The following RIC8B variants were observed in gnomAD, a reference collection of about 807,000 sequenced individuals.
The protein encoded by RIC8B is chaperone Ric-8B.
In RIC8B, 16 loss-of-function variants were observed where a neutral mutation model predicts 57.5. The observed-to-expected ratio is 0.28, with a 90% CI of 0.19 to 0.42. The LOEUF (loss-of-function observed/expected upper bound fraction) is 0.42. RIC8B is among the 10% of genes least tolerant of loss of function. The pLI is 1.00. For synonymous variants in RIC8B, 216 were observed against 250.8 expected (o/e 0.86, Z 1.31); for missense variants, 481 against 677.0 (o/e 0.71, Z 3.21).
chr12:106,881,323 G>A (rs374185629), intron 9 of RIC8B, among the ~76,000 whole-genome samples: 5 of 151,258 alleles, frequency 3.3e-5, no homozygotes, highest in African/African-American at 9.7e-5. Context: ...CTTTTATACC[G>A]CATCTCTTTT....
At chr12:106,794,698 G>A (rs2044400224) in intron 2 of RIC8B, among the ~76,000 whole-genome samples, 1 of 152,096 alleles carries the variant, frequency 6.6e-6, no homozygotes, top group East Asian at 1.9e-4. Flanking sequence ...CTGCAAGGGA[G>A]ATAAAGACAT....
At chr12:106,792,242 C>CA (rs1294487240) in intron 2 of RIC8B, among the ~76,000 whole-genome samples, 2 of 151,972 alleles carry the variant, frequency 1.3e-5, no homozygotes, top group East Asian at 1.9e-4. Context: ...CACGGTAGGT[C>CA]AAAAAAACAA....
At chr12:106,875,390 T>C (rs1216324801) in intron 9 of RIC8B, among the ~76,000 whole-genome samples, 1 of 152,114 alleles carries the variant, frequency 6.6e-6, no homozygotes, top group East Asian at 1.9e-4. Flanking sequence ...GCAGGAGATC[T>C]GAATGGGAAT....
intron 4 of RIC8B, among the ~76,000 whole-genome samples, chr12:106,832,529 T>G (rs2046398422): frequency 6.7e-6 from 1 of 149,388 alleles, no homozygotes. Flanking sequence ...ATGGGGCCAC[T>G]GCACTCCAGC....
intron 4 of RIC8B, among the ~76,000 whole-genome samples, chr12:106,841,727 T>G (rs1445411240): frequency 6.6e-6 from 1 of 152,190 alleles, no homozygotes; most frequent in East Asian, 1.9e-4. Flanking sequence ...AAGAGCCAGT[T>G]AGCCCAGAAC....
At chr12:106,804,273 G>A (rs2044894564) in intron 2 of RIC8B, among the ~76,000 whole-genome samples, 1 of 148,318 alleles carries the variant, frequency 6.7e-6, no homozygotes, top group African/African-American at 2.5e-5. Flanking sequence ...GGAGTGCAAT[G>A]GCGTGATCTC....
chr12:106,785,803 CTCTCTCTCTCTGTGTG>C (rs2043983731), intron 2 of RIC8B, among the ~76,000 whole-genome samples: 3 of 126,998 alleles, frequency 2.4e-5, no homozygotes, highest in African/African-American at 9.0e-5. Flanking sequence ...CTCTCTCTCT[CTCTCTCTCTCTGTGTG>C]TGTGTGTGTG....
intron 3 of RIC8B, among the ~76,000 whole-genome samples, chr12:106,825,007 C>T (rs1317633812): frequency 4.6e-5 from 7 of 152,088 alleles, no homozygotes; most frequent in Non-Finnish European, 1.0e-4. Flanking sequence ...TCACAATTGT[C>T]TCTAATTTCA....
At position 106,867,546 on chromosome 12, in the gene RIC8B, C is replaced by T. The variant is rs1175354892; in HGVS notation, c.1452-3277C>T. ...GATTGAAACCTGGACTGTGGCGTCT[C>T]AGACTGTACTATTTGAGGTTGAAAG... On this transcript the variant is annotated intron_variant, in intron 8 of 9. Transcript: ENST00000392837. The surrounding 1 kb of genome is among the most constrained non-coding windows in gnomAD (Gnocchi z 4.3). Among the ~76,000 whole-genome samples the T allele has an allele frequency of 2.6e-5, 4 of 152,208 alleles. No homozygotes were observed. The South Asian group carries it at 6.2e-4, about 24-fold the overall frequency.
rs1951309247 is a variant in RIC8B, at chr12:106,889,226, G to A, written c.*3211G>A. ...ATATAATTTATTTTACTACAAGATT[G>A]GGATCATGCTGTATTTACAGATTTG... On this transcript the variant is annotated 3_prime_UTR_variant, in exon 10 of 10. Transcript: ENST00000392837. 6.6e-6 allele frequency: 1 copy of A among 151,948 alleles called. No individual in the cohort carries two copies. The highest frequency in any genetic ancestry group is 6.6e-5 in the Admixed American group (1 of 15,254). The allele number at this position is 151,948 out of a possible 1,614,324, so 9.4% of individuals were successfully genotyped here.
At chr12:106,878,896 G>A (rs1950798377) in intron 9 of RIC8B, 2 of 771,924 alleles carry the variant, frequency 2.6e-6, no homozygotes, top group Non-Finnish European at 3.1e-6. Flanking sequence ...CTATTATGCA[G>A]TACTCAATTA....
At chr12:106,838,109 A>G (rs1202012246) in intron 4 of RIC8B, among the ~76,000 whole-genome samples, 2 of 152,222 alleles carry the variant, frequency 1.3e-5, no homozygotes, top group African/African-American at 2.4e-5. Flanking sequence ...TGTCATCAAA[A>G]CAGTTTTTGT....
At chr12:106,795,181 T>C (rs1350607294) in intron 2 of RIC8B, among the ~76,000 whole-genome samples, 3 of 152,168 alleles carry the variant, frequency 2.0e-5, no homozygotes, top group Admixed American at 6.5e-5. Context: ...AAAGTAATAA[T>C]TATAATAATG....
At chr12:106,873,403 G>A (rs1854485177) in intron 9 of RIC8B, among the ~76,000 whole-genome samples, 1 of 152,170 alleles carries the variant, frequency 6.6e-6, no homozygotes, top group Non-Finnish European at 1.5e-5. Flanking sequence ...ATAAAGATCA[G>A]CAGTGGGCAT....
At chr12:106,783,364 T>A (rs2043852333) in intron 1 of RIC8B, among the ~76,000 whole-genome samples, 1 of 152,236 alleles carries the variant, frequency 6.6e-6, no homozygotes, top group Non-Finnish European at 1.5e-5. Flanking sequence ...TCACAGCTAG[T>A]AGGTGGTGGA....
rs111541993 is a variant in RIC8B, at chr12:106,776,645, A to G, written c.84+1816A>G. The stretch of plus-strand genomic sequence containing the variant: ...CTCATTGGTCTCCCTCCAGATTGGT[A>G]TCTACTTACCACTCCTGGCCAGGTG... On this transcript the variant is annotated intron_variant, in intron 1 of 9. Coordinates refer to ENST00000392837, the MANE Select transcript of RIC8B (RefSeq NM_001330145.2). 2.6e-5 allele frequency among the ~76,000 whole-genome samples: 4 copies of G among 152,266 alleles called. 1 individual carries two copies. Among genetic ancestry groups the G allele is most frequent in the African/African-American group, 9.6e-5 (4 of 41,550 alleles).
intron 9 of RIC8B, among the ~76,000 whole-genome samples, chr12:106,880,914 C>T (rs140903329): frequency 1.8e-3 from 272 of 152,226 alleles, no homozygotes; most frequent in African/African-American, 5.9e-3. Flanking sequence ...TGTAAATCTT[C>T]GTGATGAAAG....
At chr12:106,871,481 A>AAAC (rs1555263897) in intron 9 of RIC8B, 1 of 139,974 alleles carries the variant, frequency 7.1e-6, no homozygotes, top group Non-Finnish European at 1.5e-5. Context: ...TAAAAAAAAA[A>AAAC]AAAAAAAAAA....
intron 2 of RIC8B, among the ~76,000 whole-genome samples, chr12:106,789,384 G>C (rs1203677117): frequency 1.3e-5 from 2 of 151,984 alleles, no homozygotes; most frequent in African/African-American, 2.4e-5. Context: ...ATATTTTCGG[G>C]TATCTTTTCA....
Sources: gnomAD v4.1 joint callset for allele counts (sites outside exome capture counted in the v4.1 genomes callset) on GRCh38, gnomAD v4.1.1 for gene constraint, Gnocchi (gnomAD v3.1) non-coding constraint, MANE v1.5 for transcripts, NCBI Gene and HGNC (gene_info 2026-07-23, HGNC 2026-07-21) for gene names.